SUMF1: variants seen among roughly 807,000 people sequenced by gnomAD.
SUMF1 encodes sulfatase modifying factor 1, also known as formylglycine-generating enzyme.
In SUMF1, 48 loss-of-function variants were observed where a neutral mutation model predicts 47.6. The observed-to-expected ratio is 1.01, with a 90% CI of 0.80 to 1.28. The LOEUF (loss-of-function observed/expected upper bound fraction) is 1.28. Among genes scored for constraint, SUMF1 ranks in the 50% most tolerant of loss-of-function variants. The probability of loss-of-function intolerance (pLI) is 0.00; values close to 1 mark genes in which losing one functional copy is unlikely to be tolerated. For missense variants in SUMF1, 571 were observed against 485.4 expected (o/e 1.18, Z -1.66); for synonymous variants, 230 against 192.1 (o/e 1.20, Z -1.63).
At chr3:4,247,606 C>T (rs1277319209) in intron 8 of SUMF1, among the ~76,000 whole-genome samples, 1 of 151,898 alleles carries the variant, frequency 6.6e-6, no homozygotes, top group Non-Finnish European at 1.5e-5. Flanking sequence ...AGAAGACTGG[C>T]TTAGATTTAT....
At chr3:4,363,698 A>C (rs1440152236) in intron 8 of SUMF1, among the ~76,000 whole-genome samples, 1 of 143,744 alleles carries the variant, frequency 7.0e-6, no homozygotes, top group Non-Finnish European at 1.5e-5. Context: ...CTCTTTTCCT[A>C]ATTGAATACC....
chr3:4,354,765 C>T (rs1699581757), intron 8 of SUMF1, among the ~76,000 whole-genome samples: 1 of 152,176 alleles, frequency 6.6e-6, no homozygotes, highest in Non-Finnish European at 1.5e-5. Flanking sequence ...CTGGTAGTAC[C>T]TTCCTGCTCC....
Position 4,467,027 on chromosome 3 carries a change from C to T in SUMF1, c.219G>A (p.Glu73=), listed in dbSNP as rs1401288286. 2 of 1,586,392 alleles carry T rather than the reference C, an allele frequency of 1.3e-6. No individual in the cohort carries two copies. Among genetic ancestry groups the T allele is most frequent in the South Asian group, 2.3e-5 (2 of 87,570 alleles). The part of the protein sequence containing the change: ...SSAAAHRYSR[E]ANAPGPVPGE... Reference sequence around the variant, plus strand: ...CGGGTACGGGGCCCGGAGCGTTAGCCTCCCGCGAGTATCGGTGAGCGGCTG... The same window carrying T: ...CGGGTACGGGGCCCGGAGCGTTAGCTTCCCGCGAGTATCGGTGAGCGGCTG... Residue 73 remains glutamate (E), a synonymous_variant, in exon 1 of 9, where the codon GAG becomes GAA. Transcript: ENST00000272902.
chr3:4,284,830 G>A (rs778873435), intron 8 of SUMF1, among the ~76,000 whole-genome samples: 4 of 152,096 alleles, frequency 2.6e-5, no homozygotes, highest in East Asian at 1.9e-4. Flanking sequence ...GAAAAGCTAA[G>A]ATAAAGGGAT....
chr3:4,082,482 G>GTAAT lies in SUMF1; in HGVS notation c.1015-13741_1015-13738dup, dbSNP rs557720919. Among the ~76,000 whole-genome samples the GTAAT allele has an allele frequency of 6.2e-3, 947 of 151,544 alleles. 7 individuals carry two copies. Among genetic ancestry groups the GTAAT allele is most frequent in the African/African-American group, 0.022 (901 of 41,276 alleles). On this transcript the variant is annotated intron_variant and NMD_transcript_variant, in intron 8 of 12. Coordinates refer to the SUMF1 transcript ENST00000448413. ...AGACCCACCCTGTTTCAAAAATTAA[G>GTAAT]TAATTAATTAATTTAATTAAAAGTT...
chr3:4,377,782 G>A (rs1188638803), intron 7 of SUMF1, among the ~76,000 whole-genome samples: 1 of 152,152 alleles, frequency 6.6e-6, no homozygotes. Flanking sequence ...ACCGTATCAG[G>A]GGAGTCTATG....
intron 8 of SUMF1, among the ~76,000 whole-genome samples, chr3:4,240,126 T>C (rs1696504074): frequency 1.3e-5 from 2 of 152,196 alleles, no homozygotes. Context: ...GCTGACTTGA[T>C]GGTGGAGGAT....
intron 8 of SUMF1, among the ~76,000 whole-genome samples, chr3:4,203,407 GCT>G (rs952820612): frequency 3.5e-4 from 53 of 151,840 alleles, no homozygotes; most frequent in African/African-American, 1.1e-3. Context: ...AGCTACTCCT[GCT>G]CTTTCTTGGT....
intron 8 of SUMF1, among the ~76,000 whole-genome samples, chr3:4,199,206 CTG>C (rs1322983392): frequency 3.9e-5 from 6 of 152,134 alleles, no homozygotes; most frequent in East Asian, 3.9e-4. Context: ...CTCTATAGTT[CTG>C]TCTTTTCCAG....
intron 8 of SUMF1, among the ~76,000 whole-genome samples, chr3:4,158,535 A>G (rs545699098): frequency 9.9e-5 from 15 of 151,578 alleles, no homozygotes; most frequent in Non-Finnish European, 1.8e-4. Flanking sequence ...CCAGTGCTGA[A>G]AGTGGGGTGT....
chr3:4,417,906 G>A lies in SUMF1; in HGVS notation c.725+104C>T, dbSNP rs143507946. ...AAAAATAAGAAAAAGAATTATTGTC[G>A]TTATTAACTTTCTAACCAAAGTAAG... On this transcript the variant is annotated intron_variant, in intron 5 of 8. Transcript: ENST00000272902. 7.0e-3 allele frequency: 10,930 copies of A among 1,570,864 alleles called. 55 individuals are homozygous for A. Among genetic ancestry groups the A allele is most frequent in the Middle Eastern group, 0.012 (52 of 4,510 alleles).
chr3:4,320,458 A>G (rs1302156759), intron 8 of SUMF1, among the ~76,000 whole-genome samples: 3 of 152,176 alleles, frequency 2.0e-5, no homozygotes, highest in African/African-American at 7.2e-5. Context: ...GACCATTTTA[A>G]TTACATACAT....
intron 9 of SUMF1, among the ~76,000 whole-genome samples, chr3:4,044,928 T>G (rs1479094465): frequency 6.6e-6 from 1 of 151,942 alleles, no homozygotes; most frequent in Non-Finnish European, 1.5e-5. Context: ...AAAAAATACT[T>G]AAAGAGATAT....
chr3:4,253,682 G>A (rs1696865780), intron 8 of SUMF1, among the ~76,000 whole-genome samples: 1 of 151,418 alleles, frequency 6.6e-6, no homozygotes, highest in Non-Finnish European at 1.5e-5. Context: ...GCGAGGCTGG[G>A]GGAGGGGCGC....
intron 8 of SUMF1, among the ~76,000 whole-genome samples, chr3:4,127,278 C>A (rs1693675951): frequency 6.6e-6 from 1 of 152,126 alleles, no homozygotes; most frequent in East Asian, 1.9e-4. Context: ...GTATTCCCAA[C>A]CTCACAGGGT....
intron 3 of SUMF1, among the ~76,000 whole-genome samples, chr3:4,420,475 C>T (rs1236863785): frequency 6.7e-6 from 1 of 149,492 alleles, no homozygotes; most frequent in East Asian, 2.0e-4. Context: ...TGGCTCACTG[C>T]AACCTCCGCC....
chr3:4,329,400 C>T (rs1395598382), intron 8 of SUMF1, among the ~76,000 whole-genome samples: 1 of 152,226 alleles, frequency 6.6e-6, no homozygotes, highest in African/African-American at 2.4e-5. Flanking sequence ...GGTGGAGGTT[C>T]CCAAACCTCA....
At chr3:4,097,827 G>A (rs1692940266) in intron 8 of SUMF1, among the ~76,000 whole-genome samples, 4 of 152,016 alleles carry the variant, frequency 2.6e-5, no homozygotes. Flanking sequence ...GCAGTCCTTG[G>A]ACCTAAAGCT....
intron 8 of SUMF1, among the ~76,000 whole-genome samples, chr3:4,287,544 A>AT (rs1052216401): frequency 2.0e-5 from 3 of 152,120 alleles, no homozygotes; most frequent in African/African-American, 7.2e-5. Context: ...TTTCACTGGT[A>AT]TTTGCTTAGT....
Sources: allele counts gnomAD v4.1 joint callset (sites outside exome capture counted in the v4.1 genomes callset), GRCh38; gene constraint gnomAD v4.1.1; transcripts MANE v1.5; gene names NCBI Gene and HGNC (gene_info 2026-07-23, HGNC 2026-07-21).